The following BMPER variants were observed in gnomAD, a reference collection of about 807,000 sequenced individuals.
BMPER encodes the protein BMP-binding endothelial regulator protein.
A neutral mutation model predicts 87.3 loss-of-function variants in BMPER; 45 were observed. The ratio of observed to expected loss-of-function variants is 0.52; its 90% CI spans 0.41 to 0.66. BMPER has a LOEUF of 0.66. Ranked by LOEUF, BMPER falls within the 30% of genes least tolerant of loss-of-function variation. The probability of loss-of-function intolerance (pLI) is 0.00; values close to 1 mark genes in which losing one functional copy is unlikely to be tolerated. For synonymous variants in BMPER, 326 were observed against 316.2 expected (o/e 1.03, Z -0.33); for missense variants, 784 against 867.5 (o/e 0.90, Z 1.21).
intron 13 of BMPER, among the ~76,000 whole-genome samples, chr7:34,112,579 T>C: frequency 6.7e-6 from 1 of 149,386 alleles, no homozygotes; most frequent in Non-Finnish European, 1.5e-5. Context: ...CATTTTGAGG[T>C]ATACGTGCAT....
At chr7:34,120,929 C>T (rs1361725965) in intron 13 of BMPER, among the ~76,000 whole-genome samples, 6 of 151,606 alleles carry the variant, frequency 4.0e-5, no homozygotes, top group Admixed American at 6.6e-5. Flanking sequence ...AGGAATATCA[C>T]GTATAATTCA....
At chr7:33,989,315 G>T (rs1036331792) in intron 6 of BMPER, among the ~76,000 whole-genome samples, 1 of 150,012 alleles carries the variant, frequency 6.7e-6, no homozygotes, top group African/African-American at 2.5e-5. Context: ...ATTCTAACTG[G>T]TGTGAGATGG....
chr7:34,103,866 C>T (rs991529196), intron 13 of BMPER, among the ~76,000 whole-genome samples: 19 of 152,208 alleles, frequency 1.2e-4, no homozygotes, highest in Non-Finnish European at 4.4e-5. Flanking sequence ...CCTGGAGGTG[C>T]AAGGGCCACC....
In BMPER at chr7:34,055,204, T is replaced by G; in HGVS notation, c.828T>G (p.Gly276=). 1 of 1,614,160 alleles carries G rather than the reference T, an allele frequency of 6.2e-7. No homozygotes were observed. The highest frequency in any genetic ancestry group is 1.3e-5 in the African/African-American group (1 of 75,042). ...GCAAGAGGAAGTGCTCCCACCCTGGTGGCTGTGACCAAGGCCAGGAGGGCT... is the reference window on the plus strand; with the variant it reads ...GCAAGAGGAAGTGCTCCCACCCTGGGGGCTGTGACCAAGGCCAGGAGGGCT... The part of the protein sequence containing the change: ...VVCKRKCSHP[G]GCDQGQEGCC... The change falls in exon 9 of 15, where the codon GGT becomes GGG. Residue 276 remains glycine, a synonymous_variant. Transcript: ENST00000649409.
chr7:33,937,774 C>T (rs909049801), intron 3 of BMPER, among the ~76,000 whole-genome samples: 2 of 152,146 alleles, frequency 1.3e-5, no homozygotes, highest in African/African-American at 4.8e-5. Context: ...CTCACCCTGC[C>T]CACCTCTGCC....
At chr7:33,983,491 G>A (rs1050953010) in intron 6 of BMPER, among the ~76,000 whole-genome samples, 3 of 152,198 alleles carry the variant, frequency 2.0e-5, no homozygotes. Flanking sequence ...ATTACTGAAT[G>A]TGTACCCTGT....
chr7:33,992,698 G>T (rs1216477253), intron 6 of BMPER, among the ~76,000 whole-genome samples: 5 of 150,644 alleles, frequency 3.3e-5, no homozygotes, highest in Admixed American at 2.6e-4. Flanking sequence ...AGTTGATGCA[G>T]TTTCTTCCTA....
At chr7:34,085,694 AT>A (rs1789180234) in intron 12 of BMPER, 61 bp from the exon 13 acceptor site, 1 of 1,429,016 alleles carries the variant, frequency 7.0e-7, no homozygotes, top group Non-Finnish European at 9.7e-7. Flanking sequence ...GGATGTATAC[AT>A]TTGGGAATTA....
At chr7:33,987,974 C>G (rs1786058637) in intron 6 of BMPER, among the ~76,000 whole-genome samples, 1 of 152,138 alleles carries the variant, frequency 6.6e-6, no homozygotes, top group Non-Finnish European at 1.5e-5. Context: ...TTAACAAAAG[C>G]AGTTACTCAT....
At chr7:34,096,675 A>G (rs1355023486) in intron 13 of BMPER, among the ~76,000 whole-genome samples, 1 of 152,106 alleles carries the variant, frequency 6.6e-6, no homozygotes, top group Non-Finnish European at 1.5e-5. Context: ...TGTGTAGCCG[A>G]GACCAGATAT....
At chr7:33,968,622 G>T (rs1233564551) in intron 4 of BMPER, among the ~76,000 whole-genome samples, 1 of 152,130 alleles carries the variant, frequency 6.6e-6, no homozygotes, top group Non-Finnish European at 1.5e-5. Flanking sequence ...CTCTCTTCAG[G>T]GAGAGTTGTA....
chr7:33,988,721 C>T (rs1786094355), intron 6 of BMPER, among the ~76,000 whole-genome samples: 1 of 150,976 alleles, frequency 6.6e-6, no homozygotes, highest in Admixed American at 6.6e-5. Context: ...CCCACTAACT[C>T]GTCATCTAGC....
chr7:34,028,542 G>A (rs1787421279), intron 6 of BMPER, among the ~76,000 whole-genome samples: 1 of 137,846 alleles, frequency 7.3e-6, no homozygotes. Flanking sequence ...CTTTTCATAT[G>A]TGATGGCATC....
chr7:34,042,831 T>C (rs572399405), intron 6 of BMPER: 1 of 152,324 alleles, frequency 6.6e-6, no homozygotes, highest in East Asian at 1.9e-4. Context: ...AGTCAATGTC[T>C]CCTTACAGGA....
chr7:34,079,281 CTCCTCCG>C, intron 12 of BMPER, 95 bp downstream of exon 12: 1 of 1,520,042 alleles, frequency 6.6e-7, no homozygotes, highest in Admixed American at 1.8e-5. Context: ...GATGTGGTTC[CTCCTCCG>C]AGCAAAAACC....
intron 5 of BMPER, among the ~76,000 whole-genome samples, chr7:33,974,369 C>T (rs909782038): frequency 1.3e-5 from 2 of 152,030 alleles, no homozygotes; most frequent in South Asian, 4.2e-4. Context: ...CCTCCTCTGG[C>T]CCCCCTGGGT....
intron 3 of BMPER, among the ~76,000 whole-genome samples, chr7:33,960,233 G>T (rs1228133764): frequency 2.0e-5 from 3 of 152,186 alleles, no homozygotes. Flanking sequence ...AAGCACAATT[G>T]CCTCCAGGAT....
At chr7:34,138,015 G>A (rs576595984) in intron 13 of BMPER, among the ~76,000 whole-genome samples, 2 of 152,304 alleles carry the variant, frequency 1.3e-5, no homozygotes, top group South Asian at 2.1e-4. Context: ...ACTCTCTTCA[G>A]TGATGGTAGT....
At chr7:33,973,986 G>A (rs1389320483) in intron 5 of BMPER, among the ~76,000 whole-genome samples, 1 of 152,096 alleles carries the variant, frequency 6.6e-6, no homozygotes, top group East Asian at 1.9e-4. Flanking sequence ...AACTTGGAGG[G>A]GGCCACAGTC....
Sources: gnomAD v4.1 joint callset for allele counts (sites outside exome capture counted in the v4.1 genomes callset) on GRCh38, gnomAD v4.1.1 for gene constraint, MANE v1.5 for transcripts, NCBI Gene and HGNC (gene_info 2026-07-23, HGNC 2026-07-21) for gene names.